Variants in ENTREP2 observed in about 807,000 individuals in gnomAD.
The protein encoded by ENTREP2 is endosomal transmembrane epsin interactor 2, also known as protein ENTREP2.
the ENTREP2 span, among the ~76,000 whole-genome samples, chr15:29,363,104 T>C: frequency 6.6e-6 from 1 of 152,184 alleles, no homozygotes; most frequent in South Asian, 2.1e-4. Context: ...CTTCCTTCTT[T>C]TCTTCTGCAC....
At chr15:29,435,707 ATATG>A in the ENTREP2 span, among the ~76,000 whole-genome samples, 9 of 151,664 alleles carry the variant, frequency 5.9e-5, no homozygotes, top group Non-Finnish European at 1.3e-4. Flanking sequence ...TATATATACA[ATATG>A]TGTGTGTGTG....
the ENTREP2 span, among the ~76,000 whole-genome samples, chr15:29,198,236 C>T: frequency 6.6e-6 from 1 of 152,188 alleles, no homozygotes; most frequent in Admixed American, 6.5e-5. Context: ...CTTCATGTTT[C>T]TGCACCCTCT....
the ENTREP2 span, among the ~76,000 whole-genome samples, chr15:29,359,398 A>C: frequency 6.6e-6 from 1 of 152,188 alleles, no homozygotes; most frequent in Non-Finnish European, 1.5e-5. Context: ...GCTGAAAGTC[A>C]TGATTTTTAA....
chr15:29,651,624 C>T, the ENTREP2 span, among the ~76,000 whole-genome samples: 3 of 152,220 alleles, frequency 2.0e-5, no homozygotes, highest in Non-Finnish European at 2.9e-5. Flanking sequence ...TGCTCTGCTG[C>T]CTGGCCTCTT....
the ENTREP2 span, among the ~76,000 whole-genome samples, chr15:29,262,144 A>G: frequency 6.6e-6 from 1 of 150,848 alleles, no homozygotes; most frequent in African/African-American, 2.4e-5. Flanking sequence ...AAGAGAATCT[A>G]TAAGTAAAGA....
At chr15:29,184,409 T>C in the ENTREP2 span, among the ~76,000 whole-genome samples, 1 of 152,176 alleles carries the variant, frequency 6.6e-6, no homozygotes, top group African/African-American at 2.4e-5. Context: ...TGTCCCCTGC[T>C]CTGCTGCGAT....
At chr15:29,521,159 C>T in the ENTREP2 span, among the ~76,000 whole-genome samples, 12 of 152,156 alleles carry the variant, frequency 7.9e-5, no homozygotes, top group Non-Finnish European at 1.5e-4. Flanking sequence ...ATGCAGAAGA[C>T]AGCCCCACAA....
chr15:29,147,590 G>C, the ENTREP2 span, among the ~76,000 whole-genome samples: 1 of 150,908 alleles, frequency 6.6e-6, no homozygotes, highest in African/African-American at 2.4e-5. Flanking sequence ...GAAGAAACTG[G>C]AACCACAATG....
the ENTREP2 span, among the ~76,000 whole-genome samples, chr15:29,505,544 G>A: frequency 6.6e-6 from 1 of 152,204 alleles, no homozygotes; most frequent in Non-Finnish European, 1.5e-5. The surrounding 1 kb of genome is among the most constrained non-coding windows in gnomAD (Gnocchi z 4.3). Flanking sequence ...CTGAGATGAA[G>A]CTTCCAGAGG....
At chr15:29,657,881 T>TAA in the ENTREP2 span, among the ~76,000 whole-genome samples, 1 of 152,214 alleles carries the variant, frequency 6.6e-6, no homozygotes, top group Non-Finnish European at 1.5e-5. Context: ...TACATATATA[T>TAA]AATGAAATAT....
At chr15:29,516,645 G>A in the ENTREP2 span, among the ~76,000 whole-genome samples, 1 of 152,088 alleles carries the variant, frequency 6.6e-6, no homozygotes, top group East Asian at 1.9e-4. Flanking sequence ...CTTCCATGCA[G>A]CAATTTATTT....
the ENTREP2 span, among the ~76,000 whole-genome samples, chr15:29,435,069 C>G: frequency 6.6e-6 from 1 of 152,128 alleles, no homozygotes. Context: ...GTTTTCCTTT[C>G]CTCCCCATTT....
At chr15:29,240,553 C>T in the ENTREP2 span, among the ~76,000 whole-genome samples, 1 of 152,054 alleles carries the variant, frequency 6.6e-6, no homozygotes, top group Non-Finnish European at 1.5e-5. Flanking sequence ...CTCTCTTGCC[C>T]TTTCACCTTC....
chr15:29,406,286 C>T, the ENTREP2 span, among the ~76,000 whole-genome samples: 1 of 152,182 alleles, frequency 6.6e-6, no homozygotes, highest in African/African-American at 2.4e-5. Context: ...TAAACATAAG[C>T]CTGTAATCCC....
At chr15:29,663,291 G>T in the ENTREP2 span, among the ~76,000 whole-genome samples, 1 of 151,934 alleles carries the variant, frequency 6.6e-6, no homozygotes, top group Non-Finnish European at 1.5e-5. Flanking sequence ...AGGCCAAGGC[G>T]GGCGGATCAC....
the ENTREP2 span, among the ~76,000 whole-genome samples, chr15:29,286,159 T>C: frequency 6.6e-6 from 1 of 152,150 alleles, no homozygotes. Flanking sequence ...CATCACTTCA[T>C]CATTTTACTG....
chr15:29,652,623 C>T, the ENTREP2 span, among the ~76,000 whole-genome samples: 1 of 152,326 alleles, frequency 6.6e-6, no homozygotes, highest in East Asian at 1.9e-4. Context: ...AGTCTCTGAG[C>T]TTCCAGGCAC....
chr15:29,485,350 C>G, the ENTREP2 span, among the ~76,000 whole-genome samples: 1 of 152,094 alleles, frequency 6.6e-6, no homozygotes, highest in Non-Finnish European at 1.5e-5. Flanking sequence ...CAGGACCTGG[C>G]CCCTGGTTCC....
At chr15:29,395,941 C>T in the ENTREP2 span, among the ~76,000 whole-genome samples, 1 of 152,102 alleles carries the variant, frequency 6.6e-6, no homozygotes, top group African/African-American at 2.4e-5. Flanking sequence ...CCTAGTCAAG[C>T]CTTTTGCCTA....
Sources: gnomAD v4.1 joint callset for allele counts (sites outside exome capture counted in the v4.1 genomes callset) on GRCh38, gnomAD v4.1.1 for gene constraint, Gnocchi (gnomAD v3.1) non-coding constraint, MANE v1.5 for transcripts, NCBI Gene and HGNC (gene_info 2026-07-23, HGNC 2026-07-21) for gene names.